The following E2F3 variants were observed in gnomAD, a reference collection of about 807,000 sequenced individuals.
E2F3 encodes transcription factor E2F3.
E2F3 carries 11 observed loss-of-function variants against 44.4 expected under a neutral mutation model. That is an observed-to-expected ratio of 0.25 (90% CI 0.16 to 0.41). The LOEUF is 0.41. Ranked by LOEUF, E2F3 falls within the 10% of genes least tolerant of loss-of-function variation. The pLI is 1.00. For synonymous variants in E2F3, 249 were observed against 253.0 expected, an observed-to-expected ratio of 0.98 and a Z score of 0.15; for missense variants, 487 against 583.6, an observed-to-expected ratio of 0.83 and a Z score of 1.70.
At chr6:20,414,773 T>G (rs1759788031) in intron 1 of E2F3, among the ~76,000 whole-genome samples, 1 of 152,148 alleles carries the variant, frequency 6.6e-6, no homozygotes, top group Non-Finnish European at 1.5e-5. Context: ...CTGGGAATAG[T>G]CTCTAGGAGG....
intron 1 of E2F3, among the ~76,000 whole-genome samples, chr6:20,461,736 C>G (rs1258531337): frequency 6.6e-6 from 1 of 152,106 alleles, no homozygotes; most frequent in African/African-American, 2.4e-5. Flanking sequence ...ATAACTATAG[C>G]CTGGTGCTAA....
chr6:20,447,636 G>A (rs138760414), intron 1 of E2F3, among the ~76,000 whole-genome samples: 69 of 152,070 alleles, frequency 4.5e-4, no homozygotes, highest in African/African-American at 1.6e-3. Context: ...TATGTCGTCT[G>A]GTGCAGAGAC....
chr6:20,457,193 G>T (rs941806893), intron 1 of E2F3, among the ~76,000 whole-genome samples: 1 of 151,752 alleles, frequency 6.6e-6, no homozygotes, highest in Non-Finnish European at 1.5e-5. Flanking sequence ...TTTTCTTTTT[G>T]AGAAGAAGTC....
intron 1 of E2F3, among the ~76,000 whole-genome samples, chr6:20,430,304 A>T (rs1422814779): frequency 6.6e-6 from 1 of 152,154 alleles, no homozygotes; most frequent in Non-Finnish European, 1.5e-5. Flanking sequence ...CTGTATTTTT[A>T]TTTGCTAAAT....
rs772925119 is a variant in E2F3 at position 20,488,218 on chromosome 6, A to G, written c.1105A>G (p.Asn369Asp). 5.0e-6 allele frequency: 8 copies of G among 1,607,348 alleles called. No homozygotes were observed. The African/African-American group carries it at 9.4e-5, about 19-fold the overall frequency. Residue 369 changes from asparagine (N) to aspartate (D), a missense_variant, in exon 6 of 7, where the codon AAT (asparagine) becomes GAT (aspartate). Asn to Asp is a conservative substitution (Grantham distance 23). Coordinates refer to ENST00000346618, the MANE Select transcript of E2F3 (RefSeq NM_001949.5). ...AATGAAAACAAACAACCAAGACCAC[A>G]ATGGGAATATCCCTAAACCCGCTTC... ...SPMKTNNQDH[N>D]GNIPKPASKD...
chr6:20,435,241 G>A (rs1250701040), intron 1 of E2F3, among the ~76,000 whole-genome samples: 1 of 152,128 alleles, frequency 6.6e-6, no homozygotes, highest in Non-Finnish European at 1.5e-5. Flanking sequence ...GCCTCCCAAA[G>A]TGCTGGGATT....
At chr6:20,473,391 A>T (rs918636110) in intron 1 of E2F3, among the ~76,000 whole-genome samples, 2 of 152,200 alleles carry the variant, frequency 1.3e-5, no homozygotes, top group Non-Finnish European at 2.9e-5. Flanking sequence ...TTTCTTCTAT[A>T]AAATAAGAAT....
intron 1 of E2F3, among the ~76,000 whole-genome samples, chr6:20,470,944 T>C (rs572117493): frequency 6.6e-6 from 1 of 152,332 alleles, no homozygotes; most frequent in South Asian, 2.1e-4. Context: ...GCCACCAGAT[T>C]TCTGTTTAAC....
intron 1 of E2F3, among the ~76,000 whole-genome samples, chr6:20,433,895 A>G (rs566629376): frequency 4.7e-4 from 71 of 152,326 alleles, no homozygotes; most frequent in African/African-American, 1.6e-3. Flanking sequence ...CCTTAAAATC[A>G]TGTTAATGAA....
intron 1 of E2F3, among the ~76,000 whole-genome samples, chr6:20,434,922 G>T (rs537670919): frequency 6.6e-6 from 1 of 152,210 alleles, no homozygotes; most frequent in Non-Finnish European, 1.5e-5. Context: ...AGCCTAGAGG[G>T]TGACTGGCTG....
At chr6:20,486,524 G>A (rs1335471148) in intron 4 of E2F3, among the ~76,000 whole-genome samples, 165 bp from the exon 5 acceptor site, 6 of 152,104 alleles carry the variant, frequency 3.9e-5, no homozygotes, top group African/African-American at 9.7e-5. Flanking sequence ...CACCCGCCTC[G>A]GCCTCCCAAA....
At position 20,491,772 on chromosome 6, in the gene E2F3, C is replaced by G. The variant is rs966296438; in HGVS notation, c.*1342C>G. 2.2e-5 allele frequency: 4 copies of G among 180,718 alleles called. No individual in the cohort carries two copies. Among genetic ancestry groups the G allele is most frequent in the Non-Finnish European group, 4.7e-5 (4 of 84,242 alleles). 11.2% of individuals were successfully genotyped at this position (180,718 alleles called of 1,614,324 possible). On this transcript the variant is annotated 3_prime_UTR_variant, in exon 7 of 7. Coordinates refer to ENST00000346618, the MANE Select transcript of E2F3 (RefSeq NM_001949.5). ...TTCTGGCCAGACCCCGTTCCCCTTC[C>G]TCTATGAAGGAATAAGTTGGACCAA...
intron 1 of E2F3, among the ~76,000 whole-genome samples, chr6:20,452,094 CTCAATTTT>C (rs2127601404): frequency 6.6e-6 from 1 of 152,268 alleles, no homozygotes; most frequent in Admixed American, 6.5e-5. Flanking sequence ...ATCCCTCCTC[CTCAATTTT>C]TTGGACTAGT....
Position 20,487,019 on chromosome 6 carries a change from T to G in E2F3, c.999+216T>G, listed in dbSNP as rs3806116. On this transcript the variant is annotated intron_variant, in intron 5 of 6. Transcript: ENST00000346618. The stretch of plus-strand genomic sequence containing the variant: ...AACTTTGACCTAGCAGGATGTTCAG[T>G]TCAAAGTGGTATATGATGCGCTGTC... Among the ~76,000 whole-genome samples the G allele has an allele frequency of 0.62, 93,640 of 152,094 alleles. 28,845 individuals carry two copies. Among genetic ancestry groups the G allele is most frequent in the Middle Eastern group, 0.8 (234 of 294 alleles).
intron 1 of E2F3, among the ~76,000 whole-genome samples, chr6:20,466,990 T>C (rs1761736238): frequency 6.6e-6 from 1 of 152,186 alleles, no homozygotes; most frequent in Non-Finnish European, 1.5e-5. Context: ...CAGTGTGTTC[T>C]TATTCACCTT....
chr6:20,413,117 T>C (rs997388379), intron 1 of E2F3, among the ~76,000 whole-genome samples: 18 of 152,328 alleles, frequency 1.2e-4, no homozygotes, highest in Non-Finnish European at 5.9e-5. Flanking sequence ...GGCTCCATAG[T>C]CTCAGCTTAT....
intron 1 of E2F3, among the ~76,000 whole-genome samples, chr6:20,403,127 C>T (rs1759365993): frequency 6.6e-6 from 1 of 151,796 alleles, no homozygotes; most frequent in African/African-American, 2.4e-5. Context: ...CTGCGGCGTG[C>T]TCGGAGCGCA....
In E2F3 at chr6:20,402,961, C is replaced by G. The variant is rs1421230275; in HGVS notation, c.393+336C>G. Among the ~76,000 whole-genome samples, 3 of 152,068 alleles carry G rather than the reference C, an allele frequency of 2.0e-5. No individual in the cohort carries two copies. Among genetic ancestry groups the G allele is most frequent in the African/African-American group, 2.4e-5 (1 of 41,410 alleles). On this transcript the variant is annotated intron_variant, in intron 1 of 6. Transcript: ENST00000346618. This position sits in a 1 kb window ranked among gnomAD's most constrained non-coding sequence, Gnocchi z 5.6. ...CCCTCCAACTCGAAGCTTCCTCTTTCTCGGGCGTAGGAAGGGGTCACGCCC... is the reference window on the plus strand; with the variant it reads ...CCCTCCAACTCGAAGCTTCCTCTTTGTCGGGCGTAGGAAGGGGTCACGCCC...
chr6:20,479,813 C>G (rs894844619), intron 1 of E2F3, 33 bp from the exon 2 acceptor site: 6 of 1,571,348 alleles, frequency 3.8e-6, no homozygotes, highest in Non-Finnish European at 5.2e-6. Context: ...GTCCATATGA[C>G]CGGTGACGAG....
Sources: gnomAD v4.1 joint callset for allele counts (sites outside exome capture counted in the v4.1 genomes callset) on GRCh38, gnomAD v4.1.1 for gene constraint, Gnocchi (gnomAD v3.1) non-coding constraint, MANE v1.5 for transcripts, NCBI Gene and HGNC (gene_info 2026-07-23, HGNC 2026-07-21) for gene names.